Variants in CTPS1 observed in about 807,000 individuals in gnomAD.
CTPS1 encodes CTP synthase 1.
A neutral mutation model predicts 80.5 loss-of-function variants in CTPS1; 25 were observed. That is an observed-to-expected ratio of 0.31 (90% CI 0.23 to 0.43). The LOEUF is 0.43. Ranked by LOEUF, CTPS1 falls within the 20% of genes least tolerant of loss-of-function variation. The probability of loss-of-function intolerance (pLI) is 1.00; values close to 1 mark genes in which losing one functional copy is unlikely to be tolerated. For missense variants in CTPS1, 442 were observed against 725.7 expected (o/e 0.61, Z 4.49); for synonymous variants, 267 against 252.5 (o/e 1.06, Z -0.54).
chr1:40,982,471 CCT>C (rs1286188803), intron 1 of CTPS1, among the ~76,000 whole-genome samples: 2 of 151,876 alleles, frequency 1.3e-5, no homozygotes, highest in Non-Finnish European at 2.9e-5. Flanking sequence ...CTCACTGCAA[CCT>C]CTGTCTCCTG....
intron 13 of CTPS1, 131 bp downstream of exon 13, chr1:41,006,225 A>C: frequency 1.4e-6 from 1 of 698,308 alleles, no homozygotes; most frequent in Non-Finnish European, 2.5e-6. Context: ...GGTTTTGGGC[A>C]CTCAGACCTA....
intron 18 of CTPS1, among the ~76,000 whole-genome samples, chr1:41,010,809 G>A (rs562495143): frequency 6.6e-6 from 1 of 152,322 alleles, no homozygotes; most frequent in East Asian, 1.9e-4. Context: ...GACGTCGAAT[G>A]TTTGTCTATT....
intron 9 of CTPS1, among the ~76,000 whole-genome samples, chr1:40,999,787 A>G (rs1165068915): frequency 6.6e-6 from 1 of 152,354 alleles, no homozygotes; most frequent in East Asian, 1.9e-4. Flanking sequence ...CCAAATATTT[A>G]TAGCCTGTCA....
Position 41,002,251 on chromosome 1 carries a change from T to C in CTPS1, c.1186T>C (p.Leu396=), listed in dbSNP as rs1570972471. ...AWARNQKKPF[L]GVCLGMQLAV... ...GGCTCGGAATCAGAAAAAGCCTTTT[T>C]TGGGTAAGGAGCTCTGCAGTGCAGT... The change falls in exon 11 of 19, where the codon TTG becomes CTG. Residue 396 remains leucine, a synonymous_variant. Coordinates refer to ENST00000650070, the MANE Select transcript of CTPS1 (RefSeq NM_001905.4). 1.9e-6 allele frequency: 3 copies of C among 1,613,840 alleles called. No homozygotes were observed. Among genetic ancestry groups the C allele is most frequent in the Non-Finnish European group, 2.5e-6 (3 of 1,179,832 alleles).
At chr1:41,010,328 A>C (rs1643139563) in intron 18 of CTPS1, 74 bp downstream of exon 18, 1 of 1,083,226 alleles carries the variant, frequency 9.2e-7, no homozygotes, top group African/African-American at 1.6e-5. Context: ...ATATCATGGA[A>C]GTTTAGGGCT....
At chr1:41,001,504 C>A in intron 10 of CTPS1, 1 of 230,886 alleles carries the variant, frequency 4.3e-6, no homozygotes, top group Non-Finnish European at 8.5e-6. Context: ...AGGTGTACAC[C>A]TTCTTCTGAG....
rs1643077271 is a variant in CTPS1 at position 41,008,000 on chromosome 1, C to A, written c.1393+455C>A. Among the ~76,000 whole-genome samples the A allele has an allele frequency of 6.6e-6, 1 of 152,180 alleles. No individual in the cohort carries two copies. The highest frequency in any genetic ancestry group is 2.4e-5 in the African/African-American group (1 of 41,434). ...AAAATAGTTAAGAAAATGACTATTACACAGATTTCCTTCTTGTCTACTGGG... is the reference window on the plus strand; with the variant it reads ...AAAATAGTTAAGAAAATGACTATTAAACAGATTTCCTTCTTGTCTACTGGG... On this transcript the variant is annotated intron_variant, in intron 14 of 18. Transcript: ENST00000650070. This position sits in a 1 kb window ranked among gnomAD's most constrained non-coding sequence, Gnocchi z 4.4.
chr1:40,990,957 G>C (rs1642591500), intron 5 of CTPS1, among the ~76,000 whole-genome samples: 1 of 152,052 alleles, frequency 6.6e-6, no homozygotes, highest in Non-Finnish European at 1.5e-5. Context: ...GGGGAGAGTG[G>C]GTGAGGGCCG....
chr1:40,982,234 C>G (rs1222605651), intron 1 of CTPS1, among the ~76,000 whole-genome samples: 3 of 152,070 alleles, frequency 2.0e-5, no homozygotes, highest in Admixed American at 1.3e-4. Flanking sequence ...TGGATTTAAT[C>G]TCATCTCCCC....
intron 14 of CTPS1, among the ~76,000 whole-genome samples, chr1:41,008,169 G>T (rs938400813): frequency 6.6e-6 from 1 of 152,174 alleles, no homozygotes; most frequent in Admixed American, 6.5e-5. Flanking sequence ...CGAGGCAACT[G>T]TGAAATGAGT....
At chr1:41,004,654 T>G (rs142185526) in intron 12 of CTPS1, among the ~76,000 whole-genome samples, 321 of 152,296 alleles carry the variant, frequency 2.1e-3, no homozygotes, top group African/African-American at 7.4e-3. Context: ...TGGTTTTGCT[T>G]TGGTTAGACG....
At chr1:40,983,255 T>G in intron 1 of CTPS1, 23 bp from the exon 2 acceptor site, 1 of 1,599,834 alleles carries the variant, frequency 6.3e-7, no homozygotes, top group Non-Finnish European at 8.5e-7. Flanking sequence ...ATTTATATCA[T>G]CTGTAATTTT....
intron 5 of CTPS1, 85 bp downstream of exon 5, chr1:40,988,795 T>A: frequency 1.1e-6 from 1 of 886,256 alleles, no homozygotes; most frequent in Non-Finnish European, 1.8e-6. Flanking sequence ...ACTCATTGTC[T>A]AGTAGTTTTC....
intron 12 of CTPS1, 138 bp downstream of exon 12, chr1:41,003,314 G>A (rs1642954972): frequency 2.3e-6 from 2 of 862,700 alleles, no homozygotes; most frequent in Non-Finnish European, 1.9e-6. Flanking sequence ...GTGCCGTAAG[G>A]GAGCTGCCTT....
At chr1:40,981,740 G>C (rs1293952046) in intron 1 of CTPS1, among the ~76,000 whole-genome samples, 1 of 152,022 alleles carries the variant, frequency 6.6e-6, no homozygotes, top group Non-Finnish European at 1.5e-5. Flanking sequence ...AATCCCATGT[G>C]CATTTTGTTG....
At chr1:41,011,095 G>A (rs994549244) in intron 18 of CTPS1, among the ~76,000 whole-genome samples, 1 of 152,206 alleles carries the variant, frequency 6.6e-6, no homozygotes, top group Non-Finnish European at 1.5e-5. Flanking sequence ...CTGGTGCTGG[G>A]TCAGTGCCGG....
At chr1:40,987,791 T>G (rs1321781182) in intron 4 of CTPS1, among the ~76,000 whole-genome samples, 3 of 152,238 alleles carry the variant, frequency 2.0e-5, no homozygotes, top group Non-Finnish European at 2.9e-5. Context: ...GGCAAGAGCA[T>G]TCGTCTCCGA....
rs1643180412 is a variant in CTPS1 at position 41,011,820 on chromosome 1, T to G, written c.*172T>G. The G allele has an allele frequency of 6.6e-6, 1 of 152,188 alleles. No individual in the cohort carries two copies. Among genetic ancestry groups the G allele is most frequent in the Non-Finnish European group, 1.5e-5 (1 of 68,034 alleles). 9.4% of individuals were successfully genotyped at this position (152,188 alleles called of 1,614,324 possible). A position where few individuals can be genotyped will look rare whatever the true frequency, so the allele number is the denominator to read the frequency against. On this transcript the variant is annotated 3_prime_UTR_variant, in exon 19 of 19. Coordinates refer to ENST00000650070, the MANE Select transcript of CTPS1 (RefSeq NM_001905.4). ...CACTTGCATGTCCCATCACGTGTACTGGCTCCTCTGTGGTGTCTGCCTGTT... is the reference window on the plus strand; with the variant it reads ...CACTTGCATGTCCCATCACGTGTACGGGCTCCTCTGTGGTGTCTGCCTGTT...
intron 9 of CTPS1, 57 bp downstream of exon 9, chr1:40,997,583 T>C: frequency 6.3e-7 from 1 of 1,575,530 alleles, no homozygotes; most frequent in South Asian, 1.2e-5. Flanking sequence ...GTCTGTAGTC[T>C]CGTAGGTGCT....
Sources: allele counts gnomAD v4.1 joint callset (sites outside exome capture counted in the v4.1 genomes callset), GRCh38; gene constraint gnomAD v4.1.1; non-coding constraint Gnocchi (gnomAD v3.1); transcripts MANE v1.5; gene names NCBI Gene and HGNC (gene_info 2026-07-23, HGNC 2026-07-21).